Variants in AGO3 observed in about 807,000 individuals in gnomAD.
AGO3 encodes the protein argonaute RISC catalytic component 3, also known as protein argonaute-3.
AGO3 carries 16 observed loss-of-function variants against 105.5 expected under a neutral mutation model. The ratio of observed to expected loss-of-function variants is 0.15; its 90% confidence interval spans 0.10 to 0.23. The LOEUF (loss-of-function observed/expected upper bound fraction) is 0.23. AGO3 is among the 10% of genes least tolerant of loss of function. The pLI is 1.00. For missense variants in AGO3, 534 were observed against 1,088.0 expected (o/e 0.49, Z 7.16); for synonymous variants, 340 against 367.3 (o/e 0.93, Z 0.85).
At chr1:35,945,630 T>A in intron 1 of AGO3, 62 bp from the exon 2 acceptor site, 1 of 1,537,376 alleles carries the variant, frequency 6.5e-7, no homozygotes, top group Non-Finnish European at 8.9e-7. Context: ...ATACTCTGGT[T>A]GACAAGGCTT....
chr1:35,964,047 G>GAT (rs139360593), intron 2 of AGO3, among the ~76,000 whole-genome samples: 37 of 151,052 alleles, frequency 2.4e-4, no homozygotes, highest in African/African-American at 3.9e-4. Context: ...ATCAAAGCAG[G>GAT]ATATATATAT....
chr1:35,935,153 TA>T (rs1356809847), intron 1 of AGO3, among the ~76,000 whole-genome samples: 1 of 152,208 alleles, frequency 6.6e-6, no homozygotes, highest in Non-Finnish European at 1.5e-5. Flanking sequence ...CAGTGGGACT[TA>T]TAAAAATGTG....
intron 12 of AGO3, among the ~76,000 whole-genome samples, chr1:36,028,642 T>C (rs1406142684): frequency 6.6e-6 from 1 of 151,856 alleles, no homozygotes; most frequent in African/African-American, 2.4e-5. Context: ...ATCCAGTCTA[T>C]CATTGTTGGA....
chr1:35,939,792 G>C (rs1010052969), intron 1 of AGO3, among the ~76,000 whole-genome samples: 1 of 152,062 alleles, frequency 6.6e-6, no homozygotes, highest in Non-Finnish European at 1.5e-5. Flanking sequence ...CATATAGGCA[G>C]AACTGTATAA....
At chr1:35,957,688 T>C (rs1473884488) in intron 2 of AGO3, among the ~76,000 whole-genome samples, 2 of 152,208 alleles carry the variant, frequency 1.3e-5, no homozygotes, top group Non-Finnish European at 2.9e-5. Context: ...ATTGTGCCAC[T>C]GCACTCCAGC....
intron 13 of AGO3, among the ~76,000 whole-genome samples, chr1:36,035,923 C>T (rs1170785376): frequency 3.3e-5 from 5 of 151,006 alleles, no homozygotes; most frequent in African/African-American, 9.8e-5. Flanking sequence ...GTCCCAGCTA[C>T]TTGGGAGGCT....
intron 1 of AGO3, among the ~76,000 whole-genome samples, chr1:35,938,738 T>A (rs1039453445): frequency 1.3e-5 from 2 of 152,214 alleles, no homozygotes; most frequent in Non-Finnish European, 2.9e-5. Flanking sequence ...GAAGTAGAAT[T>A]ATTGAAACAG....
At chr1:36,029,243 G>C (rs1192672892) in intron 12 of AGO3, among the ~76,000 whole-genome samples, 2 of 151,996 alleles carry the variant, frequency 1.3e-5, no homozygotes, top group Non-Finnish European at 1.5e-5. Context: ...ATAAATCATT[G>C]AATCGTAGAA....
intron 2 of AGO3, among the ~76,000 whole-genome samples, chr1:35,963,989 A>AG (rs60867325): frequency 0.24 from 35,956 of 151,956 alleles, 7,008 homozygotes; most frequent in East Asian, 0.69. Flanking sequence ...TCACTGAGGT[A>AG]GTTATTCACT....
Position 36,010,379 on chromosome 1 carries a change from G to A in AGO3, c.1149+785G>A, listed in dbSNP as rs181865953. Among the ~76,000 whole-genome samples, 434 of 152,096 alleles carry A rather than the reference G, an allele frequency of 2.9e-3. 2 individuals carry two copies. The highest frequency in any genetic ancestry group is 9.5e-3 in the African/African-American group (394 of 41,524). On this transcript the variant is annotated intron_variant, in intron 9 of 18. Transcript: ENST00000373191. ...AGCAGTTTGGGAGGCCAAGGCGGGT[G>A]GATCACTTGAGGCCAGGAATTTGGG...
At chr1:35,987,261 G>A (rs1647220962) in intron 5 of AGO3, among the ~76,000 whole-genome samples, 1 of 151,952 alleles carries the variant, frequency 6.6e-6, no homozygotes, top group African/African-American at 2.4e-5. Context: ...CCAGGAGGCA[G>A]AGGTTGCAGC....
At chr1:35,995,209 AATATATATATATATAT>A (rs748081363) in intron 5 of AGO3, among the ~76,000 whole-genome samples, 1 of 114,790 alleles carries the variant, frequency 8.7e-6, no homozygotes, top group South Asian at 2.7e-4. Context: ...TAAAAAAAAA[AATATATATATATATAT>A]ATATATATAT....
rs575417741 is a variant in AGO3, at chr1:36,036,345, A to G, written c.1842+78A>G. The G allele has an allele frequency of 7.0e-5, 93 of 1,331,378 alleles. No homozygotes were observed. The African/African-American group carries it at 1.3e-3, about 18-fold the overall frequency. The allele number at this position is 1,331,378 out of a possible 1,614,324, so 82.5% of individuals were successfully genotyped here. On this transcript the variant is annotated intron_variant, in intron 14 of 18. Transcript: ENST00000373191. ...TTGCAGTTTCAACTTTTTGAATTTT[A>G]ATATTTTCTTTGTAGCCAACTTTCA...
At chr1:36,048,835 A>G (rs1313517296) in intron 17 of AGO3, among the ~76,000 whole-genome samples, 1 of 152,126 alleles carries the variant, frequency 6.6e-6, no homozygotes, top group Non-Finnish European at 1.5e-5. Flanking sequence ...GACTACAGGC[A>G]TGCATCACCA....
rs11391066 is a variant in AGO3 at position 36,012,322 on chromosome 1, C to CA, written c.1150-1294dup. On this transcript the variant is annotated intron_variant, in intron 9 of 18. Transcript: ENST00000373191. ...TGGATGACAGAGCGAGACCCTGTCT[C>CA]AAAAAAAAAAAAAAGAAAAGAAAAG... is the stretch of plus-strand genomic sequence containing the variant. Among the ~76,000 whole-genome samples the CA allele has an allele frequency of 5.5e-3, 502 of 90,552 alleles. 3 individuals are homozygous for CA. Among genetic ancestry groups the CA allele is most frequent in the East Asian group, 0.014 (46 of 3,352 alleles). 59.4% of individuals were successfully genotyped at this position (90,552 alleles called of 152,430 possible). A position where few individuals can be genotyped will look rare whatever the true frequency, so the allele number is the denominator to read the frequency against.
At chr1:36,048,576 A>C (rs1642572154) in intron 17 of AGO3, among the ~76,000 whole-genome samples, 1 of 152,186 alleles carries the variant, frequency 6.6e-6, no homozygotes, top group Non-Finnish European at 1.5e-5. Context: ...AATAAGAAGA[A>C]AGGAAGAAAG....
chr1:35,937,977 A>G (rs906188513), intron 1 of AGO3, among the ~76,000 whole-genome samples: 3 of 146,930 alleles, frequency 2.0e-5, no homozygotes, highest in Admixed American at 6.8e-5. Flanking sequence ...ACAAAAATGT[A>G]TTCTTTTTTT....
Position 35,972,149 on chromosome 1 carries a change from T to A in AGO3, c.438T>A (p.Pro146=), listed in dbSNP as rs189436392. ...AAGTACTGACAGGACGGACCTTGCCTGAGCCACTGGAATTAGACAAGCCAA... is the reference window on the plus strand; with the variant it reads ...AAGTACTGACAGGACGGACCTTGCCAGAGCCACTGGAATTAGACAAGCCAA... The part of the protein sequence containing the change: ...LHEVLTGRTL[P]EPLELDKPIS... Residue 146 remains proline, a synonymous_variant, in exon 4 of 19, where the codon CCT becomes CCA. Coordinates refer to ENST00000373191, the MANE Select transcript of AGO3 (RefSeq NM_024852.4). 1.2e-5 allele frequency: 20 copies of A among 1,614,088 alleles called. No homozygotes were observed. In the Admixed American group the frequency reaches 2.7e-4, roughly 22 times the overall value.
intron 14 of AGO3, among the ~76,000 whole-genome samples, chr1:36,038,187 T>G (rs557163559): frequency 6.6e-6 from 1 of 152,000 alleles, no homozygotes; most frequent in East Asian, 1.9e-4. Flanking sequence ...CATAGTATAC[T>G]GCAGGCTATG....
Sources: allele counts gnomAD v4.1 joint callset (sites outside exome capture counted in the v4.1 genomes callset), GRCh38; gene constraint gnomAD v4.1.1; transcripts MANE v1.5; gene names NCBI Gene and HGNC (gene_info 2026-07-23, HGNC 2026-07-21).